The following SEC14L1 variants were observed in gnomAD, a reference collection of about 807,000 sequenced individuals.
SEC14L1 encodes the protein SEC14-like protein 1.
A neutral mutation model predicts 85.3 loss-of-function variants in SEC14L1; 48 were observed. That is an observed-to-expected ratio of 0.56 (90% CI 0.45 to 0.72). SEC14L1 has a LOEUF of 0.72. Ranked by LOEUF, SEC14L1 falls within the 30% of genes least tolerant of loss-of-function variation. The pLI, the probability that SEC14L1 is intolerant of heterozygous loss-of-function variation, is 0.00. For synonymous variants in SEC14L1, 391 were observed against 355.5 expected (o/e 1.10, Z -1.12); for missense variants, 682 against 921.4 (o/e 0.74, Z 3.36).
At chr17:77,110,331 G>A (rs1474017160) in intron 3 of SEC14L1, among the ~76,000 whole-genome samples, 1 of 152,194 alleles carries the variant, frequency 6.6e-6, no homozygotes, top group Non-Finnish European at 1.5e-5. Flanking sequence ...CCTCCCTTTA[G>A]AGAGCCTGGA....
At chr17:77,194,025 A>G (rs1975674839) in intron 6 of SEC14L1, among the ~76,000 whole-genome samples, 1 of 152,194 alleles carries the variant, frequency 6.6e-6, no homozygotes, top group South Asian at 2.1e-4. Flanking sequence ...TGGTTTTTGA[A>G]GGCTCATTTT....
upstream of SEC14L1, among the ~76,000 whole-genome samples, chr17:77,136,179 C>CTCTT (rs138379411): frequency 2.0e-5 from 3 of 151,742 alleles, no homozygotes. Flanking sequence ...CTGGCCCCTT[C>CTCTT]TCTTTCTTTC....
intron 2 of SEC14L1, among the ~76,000 whole-genome samples, chr17:77,090,323 A>C (rs147149032): frequency 6.6e-6 from 1 of 151,884 alleles, no homozygotes; most frequent in African/African-American, 2.4e-5. Flanking sequence ...ATTCAAGCCA[A>C]AGTGAGTGCT....
chr17:77,149,531 A>G (rs979311724), intron 3 of SEC14L1, among the ~76,000 whole-genome samples: 1 of 152,138 alleles, frequency 6.6e-6, no homozygotes, highest in Non-Finnish European at 1.5e-5. Context: ...TCCTGTCTCT[A>G]TAAAAAAATA....
chr17:77,094,749 A>T (rs1971599829), intron 3 of SEC14L1: 1 of 152,306 alleles, frequency 6.6e-6, no homozygotes, highest in Non-Finnish European at 1.5e-5. Context: ...TACAGACATG[A>T]GCCACTGCGC....
chr17:77,110,465 G>A (rs1416571786), intron 3 of SEC14L1, among the ~76,000 whole-genome samples: 1 of 152,170 alleles, frequency 6.6e-6, no homozygotes, highest in Non-Finnish European at 1.5e-5. Flanking sequence ...AAATATGAGT[G>A]ACCATGGCCA....
chr17:77,092,819 A>G (rs1385075795), intron 2 of SEC14L1, among the ~76,000 whole-genome samples: 1 of 152,056 alleles, frequency 6.6e-6, no homozygotes, highest in Non-Finnish European at 1.5e-5. Context: ...GTGGTGGCAC[A>G]TGCCTGTAAT....
At chr17:77,111,086 G>A (rs953709790) in intron 3 of SEC14L1, among the ~76,000 whole-genome samples, 1 of 151,486 alleles carries the variant, frequency 6.6e-6, no homozygotes, top group Non-Finnish European at 1.5e-5. Flanking sequence ...CCAGCTACTC[G>A]GGAAGCTGAG....
intron 3 of SEC14L1, among the ~76,000 whole-genome samples, chr17:77,132,863 T>C (rs74394901): frequency 0.011 from 1,616 of 144,146 alleles, 37 homozygotes; most frequent in Admixed American, 0.041. Context: ...TTTTTTTTTT[T>C]CTTTTTTCTT....
chr17:77,153,148 AC>A (rs1251286013), intron 3 of SEC14L1, among the ~76,000 whole-genome samples: 2 of 151,998 alleles, frequency 1.3e-5, no homozygotes, highest in Non-Finnish European at 2.9e-5. Context: ...GCTCACTGCA[AC>A]CTCCGCCTCC....
chr17:77,196,341 G>A, intron 8 of SEC14L1, 30 bp downstream of exon 8: 2 of 1,302,746 alleles, frequency 1.5e-6, no homozygotes, highest in South Asian at 1.2e-5. Flanking sequence ...CCAGTGTGCA[G>A]GGCCAGAGCT....
intron 15 of SEC14L1, 30 bp downstream of exon 15, chr17:77,212,231 T>A: frequency 1.9e-6 from 3 of 1,608,442 alleles, no homozygotes; most frequent in Non-Finnish European, 2.5e-6. Flanking sequence ...AAATCGCGCA[T>A]CCGTGACTCC....
At chr17:77,167,540 C>T (rs1042131840) in intron 3 of SEC14L1, among the ~76,000 whole-genome samples, 11 of 152,032 alleles carry the variant, frequency 7.2e-5, no homozygotes, top group Non-Finnish European at 1.2e-4. Flanking sequence ...TTTTTTAGAG[C>T]AATTACAGGT....
At chr17:77,192,130 T>C (rs1975573294) in intron 5 of SEC14L1, among the ~76,000 whole-genome samples, 1 of 152,166 alleles carries the variant, frequency 6.6e-6, no homozygotes, top group African/African-American at 2.4e-5. Flanking sequence ...TCTTTTCTGG[T>C]CTTACTGTAA....
chr17:77,100,110 G>T (rs1039875710), intron 3 of SEC14L1, among the ~76,000 whole-genome samples: 3 of 152,248 alleles, frequency 2.0e-5, no homozygotes, highest in African/African-American at 7.2e-5. Flanking sequence ...TTTTGTTTCC[G>T]AGGAGCGGGC....
At chr17:77,098,218 G>T (rs1422932181) in intron 3 of SEC14L1, among the ~76,000 whole-genome samples, 1 of 152,154 alleles carries the variant, frequency 6.6e-6, no homozygotes, top group Non-Finnish European at 1.5e-5. Context: ...CCTGTTCTAG[G>T]CCCGGTGCAG....
In SEC14L1 at chr17:77,206,981, T is replaced by G. The variant is rs573950824; in HGVS notation, c.1476+119T>G. The G allele has an allele frequency of 2.6e-6, 3 of 1,148,214 alleles. No homozygotes were observed. In the South Asian group the frequency reaches 5.9e-5, roughly 23 times the overall value. 71.1% of individuals were successfully genotyped at this position (1,148,214 alleles called of 1,614,324 possible). On this transcript the variant is annotated intron_variant, in intron 13 of 16. Transcript: ENST00000436233. The surrounding 1 kb of genome is among the most constrained non-coding windows in gnomAD (Gnocchi z 4.3). ...TTGTTTGGATGTTTTGTTTTTGTTT[T>G]GTTTCTTTTGGCCGCCATTTCTCTG...
intron 3 of SEC14L1, among the ~76,000 whole-genome samples, chr17:77,157,793 T>G (rs572923330): frequency 6.6e-6 from 1 of 152,268 alleles, no homozygotes; most frequent in South Asian, 2.1e-4. Context: ...CCCAAAGTAT[T>G]GGGATTACAG....
At chr17:77,095,157 T>C (rs1971609898) in intron 3 of SEC14L1, among the ~76,000 whole-genome samples, 1 of 152,160 alleles carries the variant, frequency 6.6e-6, no homozygotes, top group Non-Finnish European at 1.5e-5. Context: ...GGGAGTTTGA[T>C]TGGAAGGATT....
Sources: allele counts gnomAD v4.1 joint callset (sites outside exome capture counted in the v4.1 genomes callset), GRCh38; gene constraint gnomAD v4.1.1; non-coding constraint Gnocchi (gnomAD v3.1); transcripts MANE v1.5; gene names NCBI Gene and HGNC (gene_info 2026-07-23, HGNC 2026-07-21).